PRKAR1B: variants seen among roughly 807,000 people sequenced by gnomAD.
PRKAR1B encodes cAMP-dependent protein kinase type I-beta regulatory subunit.
PRKAR1B carries 22 observed loss-of-function variants against 46.5 expected under a neutral mutation model. The ratio of observed to expected loss-of-function variants is 0.47; its 90% CI spans 0.34 to 0.68. The LOEUF is 0.68. PRKAR1B is among the 30% of genes least tolerant of loss of function. The pLI is 0.01. For synonymous variants in PRKAR1B, 259 were observed against 217.7 expected (o/e 1.19, Z -1.67); for missense variants, 445 against 535.6 (o/e 0.83, Z 1.67).
At chr7:728,586 G>A (rs1781447856), upstream of PRKAR1B, among the ~76,000 whole-genome samples, 1 of 152,216 alleles carries the variant, frequency 6.6e-6, no homozygotes, top group Non-Finnish European at 1.5e-5. Context: ...CATGGCCATT[G>A]AGAATTCCTG....
At chr7:653,340 C>T (rs2128491062) in intron 4 of PRKAR1B, among the ~76,000 whole-genome samples, 1 of 152,318 alleles carries the variant, frequency 6.6e-6, no homozygotes, top group South Asian at 2.1e-4. Context: ...TTTGCAGCAG[C>T]AGCCTCTTCC....
chr7:595,294 G>A (rs374755937), intron 7 of PRKAR1B, among the ~76,000 whole-genome samples: 1 of 152,170 alleles, frequency 6.6e-6, no homozygotes, highest in Non-Finnish European at 1.5e-5. Context: ...ACCTTATCAG[G>A]GGGGTCTCTG....
intron 4 of PRKAR1B, among the ~76,000 whole-genome samples, chr7:662,616 A>T (rs1446362438): frequency 1.8e-5 from 2 of 114,280 alleles, no homozygotes; most frequent in African/African-American, 3.4e-5. Context: ...ACCCCAACAG[A>T]TCCAAACACC....
rs748625743 is a variant in PRKAR1B at position 590,206 on chromosome 7, G to A, written c.709-5638C>T. On this transcript the variant is annotated intron_variant, in intron 7 of 10. Coordinates refer to ENST00000537384, the MANE Select transcript of PRKAR1B (RefSeq NM_001164760.2). ...GGCTCCCACAGCCCTGAGCACCACC[G>A]GCCCAGCAAAGGGTGTGAAACCATA... 1.8e-3 allele frequency among the ~76,000 whole-genome samples: 281 copies of A among 152,308 alleles called. 1 individual carries two copies. Among genetic ancestry groups the A allele is most frequent in the Non-Finnish European group, 7.5e-4 (51 of 68,026 alleles).
intron 9 of PRKAR1B, among the ~76,000 whole-genome samples, chr7:571,325 G>T (rs949418138): frequency 1.3e-5 from 2 of 152,130 alleles, no homozygotes; most frequent in Non-Finnish European, 2.9e-5. Context: ...TGTGCACGGG[G>T]TCCTCCAGGG....
intron 2 of PRKAR1B, among the ~76,000 whole-genome samples, chr7:684,173 C>T (rs1037779772): frequency 4.0e-5 from 6 of 149,456 alleles, no homozygotes; most frequent in Non-Finnish European, 8.9e-5. Context: ...CCTCCATGTG[C>T]TCCAATGCCC....
chr7:640,505 G>A lies in PRKAR1B; in HGVS notation c.441-33053C>T, dbSNP rs1029921580. On this transcript the variant is annotated intron_variant, in intron 4 of 10. Transcript: ENST00000537384. ...AGGCTGGGCGCGGTGGCTCACGCCT[G>A]TAATCCCAGCACTTCGGGAGGCCGA... Among the ~76,000 whole-genome samples, 5 of 152,200 alleles carry A rather than the reference G, an allele frequency of 3.3e-5. 1 individual carries two copies. The highest frequency in any genetic ancestry group is 7.2e-5 in the African/African-American group (3 of 41,448).
rs781340335 is a variant in PRKAR1B at position 711,324 on chromosome 7, C to T, written c.177+5G>A. 1.2e-6 allele frequency: 2 copies of T among 1,614,030 alleles called. No homozygotes were observed. Among genetic ancestry groups the T allele is most frequent in the South Asian group, 1.1e-5 (1 of 91,076 alleles). On this transcript the variant is annotated splice_donor_5th_base_variant and intron_variant, in intron 2 of 10. Coordinates refer to ENST00000537384, the MANE Select transcript of PRKAR1B (RefSeq NM_001164760.2). ...GGGAAGCAGCGGGCGGCGGGGGCCA[C>T]TCACCTTCTCCAGCTTCTCGAAGTG... is the stretch of plus-strand genomic sequence containing the variant.
intron 2 of PRKAR1B, among the ~76,000 whole-genome samples, chr7:683,680 A>G (rs1288204746): frequency 1.3e-5 from 2 of 152,206 alleles, no homozygotes; most frequent in Non-Finnish European, 2.9e-5. Flanking sequence ...ACCCACATGG[A>G]GCAGCGGGAT....
chr7:622,503 A>G (rs1409674550), intron 4 of PRKAR1B, among the ~76,000 whole-genome samples: 1 of 152,244 alleles, frequency 6.6e-6, no homozygotes, highest in Non-Finnish European at 1.5e-5. Context: ...GTAATAAAGA[A>G]GGCAAACTGA....
chr7:724,937 G>A (rs1485678427), intron 1 of PRKAR1B, among the ~76,000 whole-genome samples: 2 of 152,220 alleles, frequency 1.3e-5, no homozygotes, highest in East Asian at 1.9e-4. Flanking sequence ...CTGATGGGCC[G>A]GGCGTGGTGG....
At chr7:605,700 C>T (rs1781993384) in intron 6 of PRKAR1B, among the ~76,000 whole-genome samples, 1 of 152,202 alleles carries the variant, frequency 6.6e-6, no homozygotes, top group Non-Finnish European at 1.5e-5. Context: ...TGAGACCCGA[C>T]TCACGGCTGG....
At chr7:592,875 A>C (rs1781062282) in intron 7 of PRKAR1B, among the ~76,000 whole-genome samples, 1 of 152,116 alleles carries the variant, frequency 6.6e-6, no homozygotes. Flanking sequence ...TCTACAAAAA[A>C]CAATTTTTTA....
chr7:600,828 G>GCTGAGTGTC (rs1781547187), intron 6 of PRKAR1B, among the ~76,000 whole-genome samples: 2 of 152,252 alleles, frequency 1.3e-5, no homozygotes, highest in South Asian at 4.1e-4. Context: ...AAAGTCAGCA[G>GCTGAGTGTC]CTGAGTGTCC....
chr7:589,577 G>A (rs944275387), intron 7 of PRKAR1B, among the ~76,000 whole-genome samples: 2 of 152,166 alleles, frequency 1.3e-5, no homozygotes, highest in African/African-American at 4.8e-5. Context: ...CAGAGGCTCA[G>A]GGTCGGTGTG....
At chr7:725,011 G>T (rs1015380080) in intron 1 of PRKAR1B, among the ~76,000 whole-genome samples, 1 of 152,086 alleles carries the variant, frequency 6.6e-6, no homozygotes, top group Non-Finnish European at 1.5e-5. Context: ...TCAGGACATC[G>T]AGACCATCCT....
chr7:720,410 G>A, intron 1 of PRKAR1B, among the ~76,000 whole-genome samples: 1 of 152,162 alleles, frequency 6.6e-6, no homozygotes, highest in African/African-American at 2.4e-5. Context: ...CCCAGGATAT[G>A]GTATATCTTG....
intron 4 of PRKAR1B, among the ~76,000 whole-genome samples, chr7:609,929 T>G (rs1039618390): frequency 1.9e-4 from 29 of 152,048 alleles, no homozygotes; most frequent in African/African-American, 6.8e-4. Flanking sequence ...ATTTTTTAAT[T>G]GATGGGTCTC....
At chr7:555,793 G>GA (rs1477176955) in intron 9 of PRKAR1B, among the ~76,000 whole-genome samples, 1 of 152,192 alleles carries the variant, frequency 6.6e-6, no homozygotes, top group Non-Finnish European at 1.5e-5. Flanking sequence ...AGCCCTACCC[G>GA]AAGGCTGCAG....
Sources: gnomAD v4.1 joint callset for allele counts (sites outside exome capture counted in the v4.1 genomes callset) on GRCh38, gnomAD v4.1.1 for gene constraint, MANE v1.5 for transcripts, NCBI Gene and HGNC (gene_info 2026-07-23, HGNC 2026-07-21) for gene names.